The following COPA variants were observed in gnomAD, a reference collection of about 807,000 sequenced individuals.
COPA encodes coatomer subunit alpha.
In COPA, 10 loss-of-function variants were observed where a neutral mutation model predicts 158.7. The ratio of observed to expected loss-of-function variants is 0.06; its 90% confidence interval spans 0.04 to 0.11. COPA has a LOEUF of 0.11. Among genes scored for constraint, COPA ranks in the 10% least tolerant of loss-of-function variants. The pLI, the probability that COPA is intolerant of heterozygous loss-of-function variation, is 1.00. For missense variants in COPA, 1,065 were observed against 1,536.7 expected, an observed-to-expected ratio of 0.69 and a Z score of 5.13; for synonymous variants, 462 against 542.8, an observed-to-expected ratio of 0.85 and a Z score of 2.07.
chr1:160,294,834 C>T lies in COPA; in HGVS notation c.2500G>A (p.Asp834Asn), dbSNP rs1658348915. The change falls in exon 24 of 33, where the codon GAC becomes AAC. Residue 834 changes from aspartate to asparagine, a missense_variant. Around this residue, in one of 2 missense-constraint regions of COPA, gnomAD observed 980 missense variants for 1,357.8 expected, o/e 0.72. Coordinates refer to ENST00000241704, the MANE Select transcript of COPA (RefSeq NM_004371.4). Reference sequence around the variant, plus strand: ...GTACCAACAGTGTCAATGTCAATGTCAGCAGCCAGTGCTCCTCCCTTCCCT... The same window carrying T: ...GTACCAACAGTGTCAATGTCAATGTTAGCAGCCAGTGCTCCTCCCTTCCCT... ...SKGKGGALAADIDIDTVGTEG... is the reference protein window; with the variant it reads ...SKGKGGALAANIDIDTVGTEG... 1 of 1,614,020 alleles carries T rather than the reference C, an allele frequency of 6.2e-7. No homozygotes were observed. The highest frequency in any genetic ancestry group is 8.5e-7 in the Non-Finnish European group (1 of 1,180,022).
At chr1:160,312,089 G>A (rs1041649556) in intron 10 of COPA, 71 bp from the exon 11 acceptor site, 7 of 1,508,708 alleles carry the variant, frequency 4.6e-6, no homozygotes, top group Admixed American at 1.8e-5. Flanking sequence ...TTGGAGATAC[G>A]TAAGGATGAA....
At chr1:160,323,739 A>T (rs893141302) in intron 7 of COPA, among the ~76,000 whole-genome samples, 2 of 152,224 alleles carry the variant, frequency 1.3e-5, no homozygotes, top group African/African-American at 4.8e-5. Flanking sequence ...ATTTCCAAAT[A>T]CATATTTCTA....
chr1:160,296,841 C>T (rs939038937), intron 21 of COPA, among the ~76,000 whole-genome samples: 3 of 152,116 alleles, frequency 2.0e-5, no homozygotes, highest in African/African-American at 4.8e-5. Context: ...TTGTTTCTAC[C>T]TTAAAATATA....
chr1:160,335,149 CTA>C, intron 4 of COPA, 91 bp downstream of exon 4: 1 of 1,155,988 alleles, frequency 8.7e-7, no homozygotes, highest in Non-Finnish European at 1.2e-6. Flanking sequence ...AAAAACAACT[CTA>C]TTATTAAAAC....
At chr1:160,311,297 G>T (rs563007887) in intron 11 of COPA, among the ~76,000 whole-genome samples, 1 of 151,964 alleles carries the variant, frequency 6.6e-6, no homozygotes, top group African/African-American at 2.4e-5. Flanking sequence ...AATTAGCCAG[G>T]TGTGGTGGTG....
At chr1:160,300,405 C>T (rs1000720957) in intron 17 of COPA, among the ~76,000 whole-genome samples, 2 of 150,402 alleles carry the variant, frequency 1.3e-5, no homozygotes, top group Admixed American at 6.6e-5. Context: ...AAGGATCAAA[C>T]TCCTAAAAAA....
rs1252564704 is a variant in COPA at position 160,291,846 on chromosome 1, A to G, written c.3231T>C (p.Thr1077=). Residue 1077 remains threonine, a synonymous_variant, in exon 30 of 33, where the codon ACT becomes ACC. Coordinates refer to ENST00000241704, the MANE Select transcript of COPA (RefSeq NM_004371.4). ...CACAGATGCGCTTCTGCTGTTCTAG[A>G]GTCTCTTTGGGCAGCTTCTTCCTTT... The part of the protein sequence containing the change: ...ETERKKLPKE[T]LEQQKRICEM... 1.2e-6 allele frequency: 2 copies of G among 1,613,954 alleles called. No homozygotes were observed. The highest frequency in any genetic ancestry group is 3.3e-5 in the Admixed American group (2 of 60,006).
At chr1:160,319,981 A>T (rs940636383) in intron 8 of COPA, among the ~76,000 whole-genome samples, 1 of 151,414 alleles carries the variant, frequency 6.6e-6, no homozygotes, top group African/African-American at 2.4e-5. Context: ...AAGGACCTAG[A>T]TAATAAAAAA....
At chr1:160,337,745 C>A (rs1053638661) in intron 3 of COPA, among the ~76,000 whole-genome samples, 1 of 151,850 alleles carries the variant, frequency 6.6e-6, no homozygotes, top group Non-Finnish European at 1.5e-5. Flanking sequence ...AACAAACAAA[C>A]AAACAAAAAA....
In COPA at chr1:160,343,204, A is replaced by G. The variant is rs968665335; in HGVS notation, c.-34T>C. The stretch of plus-strand genomic sequence containing the variant: ...TCTCCGACTCCGATGTCTTAATCCG[A>G]GCCCCGACACACCCTGCTGCCCTTC... On this transcript the variant is annotated 5_prime_UTR_variant, in exon 1 of 33. Coordinates refer to ENST00000241704, the MANE Select transcript of COPA (RefSeq NM_004371.4). The G allele has an allele frequency of 1.2e-6, 2 of 1,613,964 alleles. No individual in the cohort carries two copies. Among genetic ancestry groups the G allele is most frequent in the Non-Finnish European group, 1.7e-6 (2 of 1,179,898 alleles).
chr1:160,336,491 A>G (rs1173657951), intron 3 of COPA, among the ~76,000 whole-genome samples: 1 of 152,226 alleles, frequency 6.6e-6, no homozygotes, highest in African/African-American at 2.4e-5. Context: ...AACTTATTAC[A>G]TGGAAAATAC....
chr1:160,301,369 C>T (rs1658596962), intron 17 of COPA, among the ~76,000 whole-genome samples: 1 of 152,120 alleles, frequency 6.6e-6, no homozygotes, highest in African/African-American at 2.4e-5. Flanking sequence ...CAATCAGTAA[C>T]ACAAATATTC....
intron 21 of COPA, among the ~76,000 whole-genome samples, chr1:160,296,426 G>A (rs1349208225): frequency 6.6e-6 from 1 of 152,342 alleles, no homozygotes; most frequent in East Asian, 1.9e-4. Flanking sequence ...AGGGAAACTA[G>A]CTACCACGTT....
At chr1:160,329,444 T>C (rs1647403617) in intron 6 of COPA, among the ~76,000 whole-genome samples, 1 of 152,060 alleles carries the variant, frequency 6.6e-6, no homozygotes, top group African/African-American at 2.4e-5. Flanking sequence ...GGGCCCTTAA[T>C]TTTGATGTAA....
intron 12 of COPA, among the ~76,000 whole-genome samples, chr1:160,309,742 CTT>C (rs10714948): frequency 8.2e-4 from 108 of 131,224 alleles, no homozygotes; most frequent in Non-Finnish European, 9.1e-4. Flanking sequence ...AATGTCATTT[CTT>C]TTTTTTTTTT....
At chr1:160,325,493 T>C (rs1269484643) in intron 7 of COPA, 50 bp downstream of exon 7, 23 of 1,451,440 alleles carry the variant, frequency 1.6e-5, no homozygotes, top group Non-Finnish European at 2.1e-5. Flanking sequence ...ATACTGTGAC[T>C]TTCCCAAGAT....
rs1380599883 is a variant in COPA at position 160,310,253 on chromosome 1, G to C, written c.1082C>G (p.Ser361Cys). 6.3e-7 allele frequency: 1 copy of C among 1,595,664 alleles called. No individual in the cohort carries two copies. Among genetic ancestry groups the C allele is most frequent in the African/African-American group, 1.4e-5 (1 of 74,002 alleles). ...TGACATATTGAATACTGGAAACTTG[G>C]AACCACTAGAGATATATATAGAAAA... ...DVAVMQLRSG[S>C]KFPVFNMSYN... is the part of the protein sequence containing the mutation. The change falls in exon 12 of 33, where the codon TCC becomes TGC. Residue 361 changes from serine to cysteine, a missense_variant. Physicochemically the swap from Ser to Cys is moderately radical, Grantham distance 112. Around this residue, in one of 2 missense-constraint regions of COPA, gnomAD observed 980 missense variants for 1,357.8 expected, o/e 0.72. Transcript: ENST00000241704.
At chr1:160,336,634 A>C (rs146953282) in intron 3 of COPA, among the ~76,000 whole-genome samples, 79 of 152,348 alleles carry the variant, frequency 5.2e-4, no homozygotes, top group African/African-American at 1.9e-3. Flanking sequence ...TAAATATAAA[A>C]TAGCTTATCT....
chr1:160,307,308 G>C, intron 13 of COPA, 63 bp from the exon 14 acceptor site: 2 of 1,498,126 alleles, frequency 1.3e-6, no homozygotes, highest in Non-Finnish European at 1.9e-6. Context: ...GACATAGTCG[G>C]GTGCCATGGA....
Sources: gnomAD v4.1 joint callset for allele counts (sites outside exome capture counted in the v4.1 genomes callset) on GRCh38, gnomAD v4.1.1 for gene constraint, gnomAD v4.1.1 regional missense constraint, MANE v1.5 for transcripts, NCBI Gene and HGNC (gene_info 2026-07-23, HGNC 2026-07-21) for gene names.